ZBTB45: variants seen among roughly 807,000 people sequenced by gnomAD.
ZBTB45 encodes zinc finger and BTB domain-containing protein 45.
Under a neutral mutation model 28.4 loss-of-function variants are expected in ZBTB45, and 22 were observed. That is an observed-to-expected ratio of 0.77 (90% CI 0.55 to 1.10). The LOEUF (loss-of-function observed/expected upper bound fraction) is 1.10, where lower values mean the gene tolerates loss of function less well. Among genes scored for constraint, ZBTB45 ranks in the 50% least tolerant of loss-of-function variants. ZBTB45 has a pLI of 0.00. For missense variants in ZBTB45, 656 were observed against 750.2 expected (o/e 0.87, Z 1.47); for synonymous variants, 361 against 332.3 (o/e 1.09, Z -0.94).
At chr19:58,525,052 C>T (rs1025799677) in intron 1 of ZBTB45, among the ~76,000 whole-genome samples, 28 of 152,102 alleles carry the variant, frequency 1.8e-4, no homozygotes, top group African/African-American at 6.8e-4. Context: ...AGGCAGGGCC[C>T]CTCTGACAGC....
At chr19:58,524,621 C>T (rs757770216), upstream of ZBTB45, among the ~76,000 whole-genome samples, 19 of 151,960 alleles carry the variant, frequency 1.3e-4, no homozygotes, top group South Asian at 8.3e-4. Flanking sequence ...CAGTGGCTCA[C>T]ACCTGTAATC....
Position 58,514,283 on chromosome 19 carries a change from C to G in ZBTB45, c.1307G>C (p.Cys436Ser). 1 of 1,607,758 alleles carries G rather than the reference C, an allele frequency of 6.2e-7. No individual in the cohort carries two copies. Among genetic ancestry groups the G allele is most frequent in the Non-Finnish European group, 8.5e-7 (1 of 1,176,410 alleles). Residue 436 changes from cysteine (C) to serine (S), a missense_variant, in exon 3 of 3, where the codon TGC (cysteine) becomes TCC (serine). This residue lies in a region of ZBTB45 where 103 missense variants were observed against 153.5 expected (regional missense o/e 0.67). Coordinates refer to ENST00000594051, the MANE Select transcript of ZBTB45 (RefSeq NM_001316979.2). ...SGEKPHQCAV[C>S]WRSFSLRDYL... ...GTCGCGTAGAGAGAAGGATCGCCAG[C>G]ACACGGCGCACTGGTGCGGCTTCTC...
Position 58,514,199 on chromosome 19 carries a change from C to G in ZBTB45, c.1391G>C (p.Cys464Ser). The G allele has an allele frequency of 6.2e-7, 1 of 1,612,634 alleles. No homozygotes were observed. Among genetic ancestry groups the G allele is most frequent in the Non-Finnish European group, 8.5e-7 (1 of 1,179,676 alleles). The change falls in exon 3 of 3, where the codon TGC becomes TCC. Residue 464 changes from cysteine to serine, a missense_variant. Coordinates refer to ENST00000594051, the MANE Select transcript of ZBTB45 (RefSeq NM_001316979.2). ...TGVRAFQCAVCAKRFTQKSSL... is the reference protein window; with the variant it reads ...TGVRAFQCAVSAKRFTQKSSL... ...GCTCTTCTGCGTGAAGCGCTTGGCG[C>G]AGACGGCGCACTGGAAGGCGCGCAC...
At chr19:58,526,528 T>TGA in intron 1 of ZBTB45, among the ~76,000 whole-genome samples, 1 of 118,326 alleles carries the variant, frequency 8.5e-6, no homozygotes, top group South Asian at 2.8e-4. Context: ...TATTATTATT[T>TGA]TTTTTTTTTT....
chr19:58,515,114 C>T lies in ZBTB45; in HGVS notation c.1280-804G>A, dbSNP rs531577708. ...CCAAGGCAGGCAGATCGCTTGAGGC[C>T]AGGAGTTCGAGACCAACGTGGTGAA... On this transcript the variant is annotated intron_variant, in intron 2 of 2. Coordinates refer to ENST00000594051, the MANE Select transcript of ZBTB45 (RefSeq NM_001316979.2). The surrounding 1 kb of genome is among the most constrained non-coding windows in gnomAD (Gnocchi z 4.7). 8.7e-4 allele frequency among the ~76,000 whole-genome samples: 132 copies of T among 152,164 alleles called. No homozygotes were observed. The highest frequency in any genetic ancestry group is 3.4e-3 in the Middle Eastern group (1 of 294).
At position 58,515,297 on chromosome 19, in the gene ZBTB45, C is replaced by G. The variant is rs2053477312; in HGVS notation, c.1280-987G>C. ...CACCACTGCACTCCAGCCTGGGCAA[C>G]AGAGGGAGACTCGGTCTCAAAAAAA... On this transcript the variant is annotated intron_variant, in intron 2 of 2. Coordinates refer to ENST00000594051, the MANE Select transcript of ZBTB45 (RefSeq NM_001316979.2). The surrounding 1 kb of genome is among the most constrained non-coding windows in gnomAD (Gnocchi z 4.7). 6.7e-6 allele frequency among the ~76,000 whole-genome samples: 1 copy of G among 149,404 alleles called. No homozygotes were observed. Among genetic ancestry groups the G allele is most frequent in the Non-Finnish European group, 1.5e-5 (1 of 67,458 alleles).
At chr19:58,518,326 C>T (rs757203108) in intron 1 of ZBTB45, among the ~76,000 whole-genome samples, 13 of 152,150 alleles carry the variant, frequency 8.5e-5, no homozygotes, top group African/African-American at 1.2e-4. Flanking sequence ...GCTTCCTGGG[C>T]AGGGTGGTTC....
chr19:58,523,638 G>T (rs1400966397), upstream of ZBTB45, among the ~76,000 whole-genome samples: 31 of 147,822 alleles, frequency 2.1e-4, no homozygotes, highest in Admixed American at 1.5e-3. Context: ...TTGCACTCCA[G>T]CCTGGGAGAC....
chr19:58,518,949 TC>T (rs1328311325), intron 1 of ZBTB45: 2 of 152,454 alleles, frequency 1.3e-5, no homozygotes, highest in African/African-American at 4.8e-5. Flanking sequence ...CAATCCGCCG[TC>T]CCTTTGCTCA....
Position 58,517,089 on chromosome 19 carries a change from A to G in ZBTB45, c.585T>C (p.Ala195=), listed in dbSNP as rs773576108. 19 of 1,613,018 alleles carry G rather than the reference A, an allele frequency of 1.2e-5. No homozygotes were observed. Among genetic ancestry groups the G allele is most frequent in the Non-Finnish European group, 1.5e-5 (18 of 1,179,962 alleles). ...CAGGGGCCGCGGACAGTGAGGGGTCAGCATCAGGCCCCTCAGCCTTGGCAG... is the reference window on the plus strand; with the variant it reads ...CAGGGGCCGCGGACAGTGAGGGGTCGGCATCAGGCCCCTCAGCCTTGGCAG... The part of the protein sequence containing the change: ...PTPAKAEGPD[A]DPSLSAAPDD... The change falls in exon 2 of 3, where the codon GCT becomes GCC. Residue 195 remains alanine, a synonymous_variant. Transcript: ENST00000594051.
At position 58,516,243 on chromosome 19, in the gene ZBTB45, A is replaced by G; in HGVS notation, c.1279+152T>C. On this transcript the variant is annotated intron_variant, in intron 2 of 2. Transcript: ENST00000594051. The surrounding 1 kb of genome is among the most constrained non-coding windows in gnomAD (Gnocchi z 6.2). Reference sequence around the variant, plus strand: ...AGTGGGGCTTTCCCCTCCCCCACATACCTTGCACTTGGGGGAAGGCTCAAT... The same window carrying G: ...AGTGGGGCTTTCCCCTCCCCCACATGCCTTGCACTTGGGGGAAGGCTCAAT... 1 of 977,198 alleles carries G rather than the reference A, an allele frequency of 1.0e-6. No homozygotes were observed. The highest frequency in any genetic ancestry group is 1.5e-6 in the Non-Finnish European group (1 of 663,506). 60.5% of individuals were successfully genotyped at this position (977,198 alleles called of 1,614,324 possible).
intron 1 of ZBTB45, among the ~76,000 whole-genome samples, chr19:58,535,120 C>G (rs941922125): frequency 3.3e-5 from 5 of 151,776 alleles, no homozygotes; most frequent in Non-Finnish European, 4.4e-5. Context: ...ATCCGCCCGC[C>G]TTGGCCTCCC....
upstream of ZBTB45, among the ~76,000 whole-genome samples, chr19:58,523,314 G>C (rs2053588286): frequency 6.6e-6 from 1 of 152,090 alleles, no homozygotes; most frequent in Non-Finnish European, 1.5e-5. Flanking sequence ...GGGAGGCTTA[G>C]GCAGGTGGAT....
At chr19:58,533,958 C>T (rs1600071456) in intron 1 of ZBTB45, among the ~76,000 whole-genome samples, 1 of 152,150 alleles carries the variant, frequency 6.6e-6, no homozygotes, top group South Asian at 2.1e-4. Flanking sequence ...TATGGCCATA[C>T]AAATGTGCAC....
Position 58,516,380 on chromosome 19 carries a change from C to T in ZBTB45, c.1279+15G>A. 1 of 1,613,874 alleles carries T rather than the reference C, an allele frequency of 6.2e-7. No homozygotes were observed. Among genetic ancestry groups the T allele is most frequent in the South Asian group, 1.1e-5 (1 of 91,046 alleles). ...GATGAGAGATTGCTCCCTCTCCTCC[C>T]CCGCCCTGGCTCACCCGAGTGGATG... On this transcript the variant is annotated intron_variant, in intron 2 of 2. Coordinates refer to ENST00000594051, the MANE Select transcript of ZBTB45 (RefSeq NM_001316979.2). The surrounding 1 kb of genome is among the most constrained non-coding windows in gnomAD (Gnocchi z 6.2).
intron 1 of ZBTB45, among the ~76,000 whole-genome samples, chr19:58,536,176 C>A (rs1242153384): frequency 6.6e-6 from 1 of 151,696 alleles, no homozygotes; most frequent in East Asian, 1.9e-4. Context: ...ACTAAGAATA[C>A]AAAAATTGGC....
chr19:58,533,535 C>T (rs1386447827), intron 1 of ZBTB45, among the ~76,000 whole-genome samples: 2 of 151,702 alleles, frequency 1.3e-5, no homozygotes, highest in African/African-American at 4.8e-5. Flanking sequence ...TCCTGGCCTT[C>T]AGAACTTTGA....
chr19:58,536,465 C>CA (rs768760907), intron 1 of ZBTB45, among the ~76,000 whole-genome samples: 7,358 of 75,962 alleles, frequency 0.097, 372 homozygotes, highest in Middle Eastern at 0.15. Flanking sequence ...GACGCCGTCT[C>CA]AAAAAAAAAA....
chr19:58,517,163 G>T lies in ZBTB45; in HGVS notation c.511C>A (p.Arg171Ser), dbSNP rs779404257. Residue 171 changes from arginine to serine, a missense_variant, in exon 2 of 3, where the codon CGT (arginine) becomes AGT (serine). Coordinates refer to ENST00000594051, the MANE Select transcript of ZBTB45 (RefSeq NM_001316979.2). ...PPGHPGAAHS[R>S]KQRQPARLQL... is the part of the protein sequence containing the mutation. ...AAACGCGCGGGCTGGCGCTGCTTAC[G>T]GCTGTGTGCAGCACCGGGGTGCCCC... 1.2e-6 allele frequency: 2 copies of T among 1,611,238 alleles called. No homozygotes were observed. The highest frequency in any genetic ancestry group is 1.7e-5 in the Admixed American group (1 of 59,948).
Sources: gnomAD v4.1 joint callset for allele counts (sites outside exome capture counted in the v4.1 genomes callset) on GRCh38, gnomAD v4.1.1 for gene constraint, gnomAD v4.1.1 regional missense constraint, Gnocchi (gnomAD v3.1) non-coding constraint, MANE v1.5 for transcripts, NCBI Gene and HGNC (gene_info 2026-07-23, HGNC 2026-07-21) for gene names.